Variants in DPP10 observed in about 807,000 individuals in gnomAD.
DPP10 encodes the protein dipeptidyl peptidase like 10.
A neutral mutation model predicts 120.9 loss-of-function variants in DPP10; 33 were observed. That is an observed-to-expected ratio of 0.27 (90% CI 0.21 to 0.37). DPP10 has a LOEUF of 0.37. Among genes scored for constraint, DPP10 ranks in the 10% least tolerant of loss-of-function variants. DPP10 has a pLI of 1.00. For missense variants in DPP10, 816 were observed against 942.8 expected, an observed-to-expected ratio of 0.87 and a Z score of 1.76; for synonymous variants, 337 against 326.1, an observed-to-expected ratio of 1.03 and a Z score of -0.36.
chr2:115,286,878 C>T (rs1574299412), intron 1 of DPP10, among the ~76,000 whole-genome samples: 2 of 151,982 alleles, frequency 1.3e-5, no homozygotes, highest in African/African-American at 2.4e-5. Flanking sequence ...TTCCTTGTCA[C>T]ATGACACTGA....
chr2:114,829,212 CG>C (rs1319821099), intron 1 of DPP10, among the ~76,000 whole-genome samples: 1 of 151,714 alleles, frequency 6.6e-6, no homozygotes, highest in Non-Finnish European at 1.5e-5. Flanking sequence ...CTGCTTGAAC[CG>C]GGGGCAGCAG....
intron 3 of DPP10, among the ~76,000 whole-genome samples, chr2:115,365,653 G>T (rs1243134572): frequency 6.6e-6 from 1 of 152,004 alleles, no homozygotes; most frequent in Non-Finnish European, 1.5e-5. Context: ...GCGTTTTAGA[G>T]AGTCTTCCTT....
chr2:115,813,624 G>T (rs1033166981), intron 19 of DPP10, among the ~76,000 whole-genome samples: 2 of 152,192 alleles, frequency 1.3e-5, no homozygotes, highest in African/African-American at 2.4e-5. Flanking sequence ...AATTTTAGTT[G>T]CTCTGTGTTT....
intron 1 of DPP10, among the ~76,000 whole-genome samples, chr2:114,513,499 C>T (rs1199266592): frequency 8.8e-6 from 1 of 113,464 alleles, no homozygotes; most frequent in Non-Finnish European, 1.7e-5. Flanking sequence ...CCAGCCTGGG[C>T]AACAAGAGTG....
intron 7 of DPP10, among the ~76,000 whole-genome samples, chr2:115,716,155 T>C (rs2092486263): frequency 6.6e-6 from 1 of 152,226 alleles, no homozygotes; most frequent in South Asian, 2.1e-4. Flanking sequence ...TGTCACTGAA[T>C]TGGACAATAT....
intron 1 of DPP10, among the ~76,000 whole-genome samples, chr2:114,515,406 A>G (rs1558833444): frequency 6.6e-6 from 1 of 152,358 alleles, no homozygotes; most frequent in African/African-American, 2.4e-5. Flanking sequence ...AGAGGACCAT[A>G]GCACTTTAGA....
chr2:114,473,119 A>T (rs1329080682), intron 1 of DPP10, among the ~76,000 whole-genome samples: 1 of 152,142 alleles, frequency 6.6e-6, no homozygotes, highest in African/African-American at 2.4e-5. Flanking sequence ...CTTTGGCCTT[A>T]TTCAACTAGA....
At chr2:114,491,378 C>A (rs1309354108) in intron 1 of DPP10, among the ~76,000 whole-genome samples, 1 of 152,130 alleles carries the variant, frequency 6.6e-6, no homozygotes, top group Non-Finnish European at 1.5e-5. Flanking sequence ...AATATCTCAT[C>A]TGTTCCAAGC....
At chr2:114,689,959 G>C (rs543093304) in intron 1 of DPP10, among the ~76,000 whole-genome samples, 1 of 151,782 alleles carries the variant, frequency 6.6e-6, no homozygotes, top group Admixed American at 6.6e-5. Flanking sequence ...ATTTGTGTAA[G>C]TACCTTGTAG....
chr2:115,576,153 G>T (rs1337747359), intron 5 of DPP10, among the ~76,000 whole-genome samples: 7 of 152,156 alleles, frequency 4.6e-5, no homozygotes, highest in African/African-American at 1.7e-4. Context: ...TGTTACTGCA[G>T]CATGGAAAAG....
intron 11 of DPP10, 94 bp downstream of exon 11, chr2:115,753,391 T>A (rs563995907): frequency 8.0e-7 from 1 of 1,245,760 alleles, no homozygotes; most frequent in Non-Finnish European, 1.1e-6. Flanking sequence ...CAAAAAAAAT[T>A]CAGTGTTTAA....
chr2:115,302,109 G>A (rs2061165316), intron 1 of DPP10, among the ~76,000 whole-genome samples: 1 of 152,004 alleles, frequency 6.6e-6, no homozygotes, highest in Non-Finnish European at 1.5e-5. Context: ...CCATGGCGGA[G>A]CAGGAGAGAG....
At chr2:114,453,888 T>C (rs1409870790) in intron 1 of DPP10, among the ~76,000 whole-genome samples, 1 of 152,204 alleles carries the variant, frequency 6.6e-6, no homozygotes, top group Non-Finnish European at 1.5e-5. Context: ...ATACAATAGA[T>C]ATTAAGTTGC....
intron 1 of DPP10, among the ~76,000 whole-genome samples, chr2:114,458,552 C>A (rs1341730871): frequency 6.6e-6 from 1 of 152,130 alleles, no homozygotes; most frequent in Non-Finnish European, 1.5e-5. Flanking sequence ...TATATCCTTG[C>A]TAACAATGTG....
Position 115,710,437 on chromosome 2 carries a change from TCTTC to T in DPP10, c.577-17375_577-17372del, listed in dbSNP as rs2092279751. Reference sequence around the variant, plus strand: ...TTCTATGTTTTACATGAGATTATTATCTTCCTTAATAATAATTTTCACAAGGCAC... The same window carrying T: ...TTCTATGTTTTACATGAGATTATTATCTTAATAATAATTTTCACAAGGCAC... On this transcript the variant is annotated intron_variant, in intron 7 of 25. Coordinates refer to ENST00000410059, the MANE Select transcript of DPP10 (RefSeq NM_020868.6). 3.3e-5 allele frequency among the ~76,000 whole-genome samples: 5 copies of T among 152,246 alleles called. No homozygotes were observed. The South Asian group carries it at 6.2e-4, about 19-fold the overall frequency.
chr2:114,658,177 C>G (rs544815240), intron 1 of DPP10, among the ~76,000 whole-genome samples: 1 of 152,076 alleles, frequency 6.6e-6, no homozygotes, highest in African/African-American at 2.4e-5. Context: ...GGTAACAAGG[C>G]GTTCACAAAT....
chr2:115,569,139 A>G (rs1284823125), intron 5 of DPP10, among the ~76,000 whole-genome samples: 1 of 152,234 alleles, frequency 6.6e-6, no homozygotes. Context: ...AAACCACGTT[A>G]CAGAGAGATA....
chr2:114,579,388 T>G (rs985191062), intron 1 of DPP10, among the ~76,000 whole-genome samples: 2 of 152,154 alleles, frequency 1.3e-5, no homozygotes, highest in African/African-American at 2.4e-5. Flanking sequence ...GGGGAAATAA[T>G]GTACTGTAAT....
intron 1 of DPP10, among the ~76,000 whole-genome samples, chr2:114,554,901 A>G (rs1247591075): frequency 6.6e-6 from 1 of 152,224 alleles, no homozygotes; most frequent in Non-Finnish European, 1.5e-5. Context: ...AAATGGACTC[A>G]AAGATATACA....
Sources: allele counts gnomAD v4.1 joint callset (sites outside exome capture counted in the v4.1 genomes callset), GRCh38; gene constraint gnomAD v4.1.1; transcripts MANE v1.5; gene names NCBI Gene and HGNC (gene_info 2026-07-23, HGNC 2026-07-21).